TRIM9: variants seen among roughly 807,000 people sequenced by gnomAD.
TRIM9 encodes the protein tripartite motif containing 9, also known as E3 ubiquitin-protein ligase TRIM9.
Under a neutral mutation model 78.3 loss-of-function variants are expected in TRIM9, and 26 were observed. The observed-to-expected ratio is 0.33, with a 90% CI of 0.24 to 0.46. The LOEUF is 0.46. Among genes scored for constraint, TRIM9 ranks in the 20% least tolerant of loss-of-function variants. The pLI is 1.00. For synonymous variants in TRIM9, 398 were observed against 416.5 expected (o/e 0.96, Z 0.54); for missense variants, 787 against 1,036.4 (o/e 0.76, Z 3.30).
chr14:51,000,736 G>C lies in TRIM9; in HGVS notation c.1411C>G (p.Pro471Ala). 6.2e-7 allele frequency: 1 copy of C among 1,614,150 alleles called. No individual in the cohort carries two copies. Among genetic ancestry groups the C allele is most frequent in the East Asian group, 2.2e-5 (1 of 44,886 alleles). ...SWKQPPLSTV[P>A]ADGYILELDD... ...AGCTCCAGAATGTATCCATCGGCGGGCACCGTGGACAGAGGTGGCTGTTTC... is the reference window on the plus strand; with the variant it reads ...AGCTCCAGAATGTATCCATCGGCGGCCACCGTGGACAGAGGTGGCTGTTTC... Residue 471 changes from proline (P) to alanine (A), a missense_variant, in exon 6 of 13, where the codon CCC (proline) becomes GCC (alanine). Physicochemically the swap from Pro to Ala is conservative, Grantham distance 27 (BLOSUM62 -1). Coordinates refer to ENST00000684578, the MANE Select transcript of TRIM9 (RefSeq NM_001387360.1).
chr14:50,999,833 G>A (rs1007292901), intron 6 of TRIM9, among the ~76,000 whole-genome samples: 8 of 152,192 alleles, frequency 5.3e-5, no homozygotes, highest in African/African-American at 1.9e-4. Flanking sequence ...GGCAGGGAGA[G>A]GATGGATGAG....
At chr14:50,977,992 T>C (rs1486822202) in intron 12 of TRIM9, among the ~76,000 whole-genome samples, 1 of 151,970 alleles carries the variant, frequency 6.6e-6, no homozygotes, top group Non-Finnish European at 1.5e-5. Context: ...TCTAGTATAA[T>C]ATTCTTTGAA....
intron 1 of TRIM9, among the ~76,000 whole-genome samples, chr14:51,072,963 C>T (rs1211194173): frequency 6.6e-6 from 1 of 151,954 alleles, no homozygotes; most frequent in African/African-American, 2.4e-5. Context: ...AAGGAAAAGG[C>T]AGCTTATTTC....
chr14:51,014,317 G>A (rs570024981), intron 3 of TRIM9, among the ~76,000 whole-genome samples: 5 of 152,236 alleles, frequency 3.3e-5, no homozygotes, highest in South Asian at 2.1e-4. Context: ...CCAAAGAGCC[G>A]GGGAGTTTCA....
intron 1 of TRIM9, among the ~76,000 whole-genome samples, chr14:51,049,212 C>T (rs1322640328): frequency 2.6e-5 from 4 of 152,110 alleles, no homozygotes; most frequent in African/African-American, 4.8e-5. Context: ...CAGGCATGCG[C>T]CATCACACCC....
chr14:51,070,337 G>A (rs549670052), intron 1 of TRIM9, among the ~76,000 whole-genome samples: 2 of 152,266 alleles, frequency 1.3e-5, no homozygotes, highest in African/African-American at 4.8e-5. Flanking sequence ...ACAAGTTTAT[G>A]CATTGATTGG....
At chr14:51,078,456 C>T (rs188933985) in intron 1 of TRIM9, among the ~76,000 whole-genome samples, 5 of 152,012 alleles carry the variant, frequency 3.3e-5, no homozygotes, top group Admixed American at 6.5e-5. Context: ...AACAGACAAA[C>T]AGATAAAGAA....
intron 3 of TRIM9, among the ~76,000 whole-genome samples, chr14:51,016,194 G>T (rs2057169637): frequency 6.6e-6 from 1 of 152,108 alleles, no homozygotes; most frequent in Admixed American, 6.6e-5. Context: ...ATGTAAATAG[G>T]TATTATATTG....
At chr14:51,003,361 T>C (rs1465020690) in intron 5 of TRIM9, among the ~76,000 whole-genome samples, 1 of 152,230 alleles carries the variant, frequency 6.6e-6, no homozygotes, top group Non-Finnish European at 1.5e-5. Context: ...CAATTCCTTA[T>C]GCTCTTATTT....
intron 1 of TRIM9, among the ~76,000 whole-genome samples, chr14:51,028,888 C>T (rs1166108057): frequency 2.0e-5 from 3 of 152,104 alleles, no homozygotes; most frequent in Non-Finnish European, 4.4e-5. Flanking sequence ...CCTCCTCCTT[C>T]CCTCCTTGCG....
intron 1 of TRIM9, among the ~76,000 whole-genome samples, chr14:51,032,581 T>C (rs1394660412): frequency 1.3e-5 from 2 of 152,206 alleles, no homozygotes; most frequent in African/African-American, 4.8e-5. Context: ...GTTGAGGCCA[T>C]TGCAGGTTAG....
chr14:51,083,564 C>G (rs1461904072), intron 1 of TRIM9, among the ~76,000 whole-genome samples: 9 of 152,150 alleles, frequency 5.9e-5, no homozygotes. Flanking sequence ...TTTTAAAATA[C>G]TTTGCAGCAG....
At chr14:51,075,715 G>T (rs568390702) in intron 1 of TRIM9, among the ~76,000 whole-genome samples, 1 of 152,176 alleles carries the variant, frequency 6.6e-6, no homozygotes. Flanking sequence ...AAATGGCAGC[G>T]GGGATGCCTG....
chr14:51,088,354 T>C (rs1276779637), intron 1 of TRIM9, among the ~76,000 whole-genome samples: 3 of 152,214 alleles, frequency 2.0e-5, no homozygotes, highest in Admixed American at 6.5e-5. Context: ...TGTGTATACA[T>C]AGGCATATTG....
chr14:51,009,316 A>C (rs1337766008), intron 4 of TRIM9, 83 bp from the exon 5 acceptor site: 14 of 1,547,790 alleles, frequency 9.0e-6, no homozygotes, highest in Non-Finnish European at 1.2e-5. Flanking sequence ...CTCCAGGAGC[A>C]TTACTCCCAA....
At chr14:51,011,819 CTTAT>C (rs2056612565) in intron 3 of TRIM9, among the ~76,000 whole-genome samples, 1 of 152,142 alleles carries the variant, frequency 6.6e-6, no homozygotes, top group African/African-American at 2.4e-5. Context: ...TGGAATCAGA[CTTAT>C]TTATCGTTGC....
At chr14:51,078,039 ATGGTCTTATCAG>A (rs1269398763) in intron 1 of TRIM9, among the ~76,000 whole-genome samples, 1 of 152,218 alleles carries the variant, frequency 6.6e-6, no homozygotes, top group African/African-American at 2.4e-5. Context: ...TGAACAGCTC[ATGGTCTTATCAG>A]TGGTCTTATC....
At chr14:51,039,842 G>A (rs543819078) in intron 1 of TRIM9, among the ~76,000 whole-genome samples, 2 of 152,102 alleles carry the variant, frequency 1.3e-5, no homozygotes, top group Non-Finnish European at 2.9e-5. Flanking sequence ...TGCCTCCCGG[G>A]TTCACACCAT....
intron 3 of TRIM9, among the ~76,000 whole-genome samples, chr14:51,020,936 G>T (rs369192084): frequency 6.6e-6 from 1 of 152,158 alleles, no homozygotes; most frequent in Non-Finnish European, 1.5e-5. Flanking sequence ...GGAAGTGTTC[G>T]CAATGTTTCA....
Sources: allele counts gnomAD v4.1 joint callset (sites outside exome capture counted in the v4.1 genomes callset), GRCh38; gene constraint gnomAD v4.1.1; transcripts MANE v1.5; gene names NCBI Gene and HGNC (gene_info 2026-07-23, HGNC 2026-07-21).